The following LAMA3 variants were observed in gnomAD, a reference collection of about 807,000 sequenced individuals.
The protein encoded by LAMA3 is laminin subunit alpha-3.
A neutral mutation model predicts 402.0 loss-of-function variants in LAMA3; 281 were observed. That is an observed-to-expected ratio of 0.70 (90% CI 0.63 to 0.77). The LOEUF (loss-of-function observed/expected upper bound fraction) is 0.77. Ranked by LOEUF, LAMA3 falls within the 30% of genes least tolerant of loss-of-function variation. The pLI, the probability that LAMA3 is intolerant of heterozygous loss-of-function variation, is 0.00. For missense variants in LAMA3, 3,840 were observed against 4,215.5 expected (o/e 0.91, Z 2.47); for synonymous variants, 1,431 against 1,558.4 (o/e 0.92, Z 1.93).
At chr18:23,785,296 G>A (rs2062521362) in intron 12 of LAMA3, among the ~76,000 whole-genome samples, 1 of 152,178 alleles carries the variant, frequency 6.6e-6, no homozygotes, top group Non-Finnish European at 1.5e-5. Flanking sequence ...TCCAGCCTCT[G>A]AACACTGGAG....
intron 44 of LAMA3, 116 bp from the exon 45 acceptor site, chr18:23,898,622 G>A: frequency 2.7e-6 from 2 of 749,330 alleles, no homozygotes; most frequent in Admixed American, 1.8e-5. Flanking sequence ...ATTTGTGTGT[G>A]TGTGGAACTG....
At chr18:23,772,271 A>T (rs1219963014) in intron 8 of LAMA3, among the ~76,000 whole-genome samples, 1 of 152,100 alleles carries the variant, frequency 6.6e-6, no homozygotes, top group Non-Finnish European at 1.5e-5. Context: ...TGAACTCCTG[A>T]CCTTGTGACC....
At chr18:23,705,519 G>GCA (rs1388399820) in intron 1 of LAMA3, among the ~76,000 whole-genome samples, 2 of 145,928 alleles carry the variant, frequency 1.4e-5, no homozygotes, top group Admixed American at 1.4e-4. Flanking sequence ...ACACACATAT[G>GCA]CACACACACA....
chr18:23,892,006 T>C (rs977432601), intron 42 of LAMA3, among the ~76,000 whole-genome samples: 1 of 152,182 alleles, frequency 6.6e-6, no homozygotes, highest in African/African-American at 2.4e-5. Flanking sequence ...GGAAAGGACA[T>C]GTTTGTTAGG....
intron 12 of LAMA3, among the ~76,000 whole-genome samples, chr18:23,795,056 C>T (rs2062736417): frequency 6.6e-6 from 1 of 152,190 alleles, no homozygotes; most frequent in African/African-American, 2.4e-5. Context: ...GTCCCCACCC[C>T]CACAACCTCT....
At chr18:23,883,009 G>A (rs953169957) in intron 40 of LAMA3, among the ~76,000 whole-genome samples, 2 of 152,194 alleles carry the variant, frequency 1.3e-5, no homozygotes, top group African/African-American at 4.8e-5. Context: ...GGAAGCCATG[G>A]CAGTATTTTG....
chr18:23,889,925 A>G, intron 41 of LAMA3, 86 bp from the exon 42 acceptor site: 2 of 1,011,718 alleles, frequency 2.0e-6, no homozygotes, highest in Non-Finnish European at 3.2e-6. Context: ...ACAATATCCC[A>G]AACAGAGAGC....
At chr18:23,873,243 G>C in intron 38 of LAMA3, 1 of 1,583,422 alleles carries the variant, frequency 6.3e-7, no homozygotes. Flanking sequence ...TTTGGTTTGT[G>C]ATAGGGAAGA....
chr18:23,852,938 G>A (rs1449563963), intron 32 of LAMA3, among the ~76,000 whole-genome samples: 2 of 152,094 alleles, frequency 1.3e-5, no homozygotes, highest in Admixed American at 1.3e-4. Context: ...GGATTTTTGT[G>A]TTAAAAGTAC....
Position 23,770,704 on chromosome 18 carries a change from T to C in LAMA3, c.1183-2793T>C, listed in dbSNP as rs563244711. On this transcript the variant is annotated intron_variant, in intron 8 of 74. Coordinates refer to ENST00000313654, the MANE Select transcript of LAMA3 (RefSeq NM_198129.4). ...TGAACCCGGGAGGCAGAGGTTGCAG[T>C]GAGTCGAGATCGCGCCACTGCACTC... 2.4e-3 allele frequency among the ~76,000 whole-genome samples: 361 copies of C among 152,248 alleles called. 1 individual carries two copies. Among genetic ancestry groups the C allele is most frequent in the African/African-American group, 8.2e-3 (341 of 41,536 alleles).
rs775341421 is a variant in LAMA3 at position 23,904,701 on chromosome 18, A to G, written c.6615+7A>G. ...ATCTGAATCTGCCCTCCAGGTGGGC[A>G]CCTGTACCAGCAGCTTCTCCACATT... On this transcript the variant is annotated splice_region_variant and intron_variant, in intron 51 of 74. Transcript: ENST00000313654. 3 of 1,613,898 alleles carry G rather than the reference A, an allele frequency of 1.9e-6. No individual in the cohort carries two copies. Among genetic ancestry groups the G allele is most frequent in the Non-Finnish European group, 2.5e-6 (3 of 1,179,934 alleles).
At chr18:23,759,812 A>T (rs912295864) in intron 7 of LAMA3, among the ~76,000 whole-genome samples, 1 of 152,194 alleles carries the variant, frequency 6.6e-6, no homozygotes. Flanking sequence ...GAGAGATGCT[A>T]AAGTTCTGGG....
rs189599327 is a variant in LAMA3 at position 23,781,714 on chromosome 18, C to T, written c.1469-2309C>T. Among the ~76,000 whole-genome samples the T allele has an allele frequency of 2.2e-3, 334 of 152,242 alleles. 3 individuals carry two copies. The highest frequency in any genetic ancestry group is 3.7e-3 in the Non-Finnish European group (250 of 68,022). ...TCCAATCCAGTCGACTCCCAGTCTC[C>T]GGTGATAAGAATGCTGTCTTCCTGG... On this transcript the variant is annotated intron_variant, in intron 11 of 74. Transcript: ENST00000313654.
chr18:23,878,063 G>T (rs113407139), intron 39 of LAMA3, among the ~76,000 whole-genome samples: 1 of 152,092 alleles, frequency 6.6e-6, no homozygotes, highest in Non-Finnish European at 1.5e-5. Context: ...CAATGATGGC[G>T]CCACTGCACT....
Position 23,901,311 on chromosome 18 carries a change from G to T in LAMA3, c.6189G>T (p.Leu2063Phe), listed in dbSNP as rs1040319298. 1 of 1,613,836 alleles carries T rather than the reference G, an allele frequency of 6.2e-7. No individual in the cohort carries two copies. The highest frequency in any genetic ancestry group is 2.2e-5 in the East Asian group (1 of 44,890). ...TGAACCAAGAAAACGAGAGAGCTTT[G>T]GGAGCCATTCAGGTGAGTTCACAGT... The part of the protein sequence containing the change: ...NGLNQENERA[L>F]GAIQRQVKEI... Residue 2063 changes from leucine (L) to phenylalanine (F), a missense_variant, in exon 48 of 75, where the codon TTG becomes TTT. This residue lies in a region of LAMA3 where 891 missense variants were observed against 857.5 expected (regional missense o/e 1.04). Transcript: ENST00000313654.
intron 2 of LAMA3, among the ~76,000 whole-genome samples, chr18:23,724,770 A>G (rs1335625187): frequency 1.3e-5 from 2 of 152,244 alleles, no homozygotes; most frequent in African/African-American, 4.8e-5. Context: ...ACTGAATTTC[A>G]TGAATTCTTC....
chr18:23,875,128 G>T (rs1054790348), intron 38 of LAMA3, among the ~76,000 whole-genome samples: 8 of 152,188 alleles, frequency 5.3e-5, no homozygotes, highest in Non-Finnish European at 1.0e-4. Context: ...GCCTCCCAAA[G>T]TGCTGGAATT....
chr18:23,700,530 G>A (rs1050631508), intron 1 of LAMA3, among the ~76,000 whole-genome samples: 4 of 152,126 alleles, frequency 2.6e-5, no homozygotes, highest in African/African-American at 9.7e-5. Flanking sequence ...GGCTTTAAAT[G>A]TATTCCTTCC....
In LAMA3 at chr18:23,838,717, TGGCCATACC is replaced by T. The variant is rs2063635103; in HGVS notation, c.3094-62_3094-54del. Reference sequence around the variant, plus strand: ...AATAGCTTTTTTAAAAGGGTGTTTTTGGCCATACCGTTTGTTTTGCTGGTAACTGCAATG... The same window carrying T: ...AATAGCTTTTTTAAAAGGGTGTTTTTGTTTGTTTTGCTGGTAACTGCAATG... On this transcript the variant is annotated intron_variant, in intron 25 of 74. Transcript: ENST00000313654. 4.7e-6 allele frequency: 4 copies of T among 851,090 alleles called. No individual in the cohort carries two copies. The South Asian group carries it at 5.3e-5, about 11-fold the overall frequency. 52.7% of individuals were successfully genotyped at this position (851,090 alleles called of 1,614,324 possible).
Sources: gnomAD v4.1 joint callset for allele counts (sites outside exome capture counted in the v4.1 genomes callset) on GRCh38, gnomAD v4.1.1 for gene constraint, gnomAD v4.1.1 regional missense constraint, MANE v1.5 for transcripts, NCBI Gene and HGNC (gene_info 2026-07-23, HGNC 2026-07-21) for gene names.